The following NCAM2 variants were observed in gnomAD, a reference collection of about 807,000 sequenced individuals.
NCAM2 encodes N-CAM-2.
A neutral mutation model predicts 98.1 loss-of-function variants in NCAM2; 30 were observed. The ratio of observed to expected loss-of-function variants is 0.31; its 90% CI spans 0.23 to 0.41. The LOEUF is 0.41. Ranked by LOEUF, NCAM2 falls within the 10% of genes least tolerant of loss-of-function variation. NCAM2 has a pLI of 1.00. For missense variants in NCAM2, 867 were observed against 1,005.8 expected (o/e 0.86, Z 1.87); for synonymous variants, 368 against 342.4 (o/e 1.07, Z -0.83).
intron 1 of NCAM2, among the ~76,000 whole-genome samples, chr21:21,068,764 G>A (rs1280997340): frequency 6.6e-6 from 1 of 152,022 alleles, no homozygotes; most frequent in African/African-American, 2.4e-5. Flanking sequence ...TCGTTATTAC[G>A]CTCCTCTTTT....
At chr21:21,181,124 A>T (rs537030107) in intron 1 of NCAM2, among the ~76,000 whole-genome samples, 32 of 152,278 alleles carry the variant, frequency 2.1e-4, no homozygotes, top group East Asian at 7.7e-4. Flanking sequence ...TTACATTTTT[A>T]AAAATGTAAG....
chr21:21,044,852 C>CAG (rs1394212528), intron 1 of NCAM2, among the ~76,000 whole-genome samples: 4 of 151,906 alleles, frequency 2.6e-5, no homozygotes, highest in Non-Finnish European at 5.9e-5. Flanking sequence ...GTGGTTCTGG[C>CAG]TACTTAGGAG....
At chr21:21,056,981 T>G (rs2065225142) in intron 1 of NCAM2, among the ~76,000 whole-genome samples, 1 of 152,086 alleles carries the variant, frequency 6.6e-6, no homozygotes, top group Non-Finnish European at 1.5e-5. Flanking sequence ...AAATATTTTA[T>G]TTTTGTTTTA....
At chr21:21,184,245 A>G (rs916225761) in intron 1 of NCAM2, among the ~76,000 whole-genome samples, 2 of 152,076 alleles carry the variant, frequency 1.3e-5, no homozygotes, top group East Asian at 1.9e-4. Flanking sequence ...ATTAGTTTCT[A>G]TAAGGACATG....
intron 1 of NCAM2, among the ~76,000 whole-genome samples, chr21:21,156,408 C>A (rs745314791): frequency 3.9e-5 from 6 of 151,926 alleles, no homozygotes; most frequent in African/African-American, 7.2e-5. Context: ...GTTTGCCCTA[C>A]CTATTTAGTC....
intron 1 of NCAM2, among the ~76,000 whole-genome samples, chr21:21,262,889 A>G (rs2147356111): frequency 6.6e-6 from 1 of 152,162 alleles, no homozygotes; most frequent in Middle Eastern, 3.4e-3. Context: ...TGTGCAGAGA[A>G]ACTCCCCTTT....
At chr21:21,045,626 G>A (rs2064993673) in intron 1 of NCAM2, among the ~76,000 whole-genome samples, 2 of 152,004 alleles carry the variant, frequency 1.3e-5, no homozygotes, top group South Asian at 2.1e-4. Flanking sequence ...CTCCAGCCTG[G>A]GTGACAAAGC....
chr21:21,399,891 T>C (rs2076592505), intron 9 of NCAM2, among the ~76,000 whole-genome samples: 1 of 152,058 alleles, frequency 6.6e-6, no homozygotes, highest in Non-Finnish European at 1.5e-5. Flanking sequence ...AAAGGAGGAA[T>C]TACAAAAGAA....
intron 8 of NCAM2, among the ~76,000 whole-genome samples, chr21:21,363,154 T>C (rs1191055104): frequency 1.3e-5 from 2 of 152,132 alleles, no homozygotes; most frequent in African/African-American, 4.8e-5. Flanking sequence ...TGGGGCCAAA[T>C]GATAGAGAAA....
intron 1 of NCAM2, among the ~76,000 whole-genome samples, chr21:21,091,080 G>GT (rs1256493639): frequency 1.3e-5 from 2 of 152,106 alleles, no homozygotes; most frequent in African/African-American, 4.8e-5. Flanking sequence ...TCTTGTTCAT[G>GT]TTGTTTCCCC....
chr21:21,393,725 G>T (rs1401784363), intron 9 of NCAM2, among the ~76,000 whole-genome samples: 1 of 151,944 alleles, frequency 6.6e-6, no homozygotes, highest in Non-Finnish European at 1.5e-5. Flanking sequence ...TATGAAAGAG[G>T]TTCATTTAAT....
chr21:21,221,410 G>C lies in NCAM2; in HGVS notation c.56-59168G>C, dbSNP rs566581259. ...TGAAAAAGACAAGATAGGGCTGAAA[G>C]CTATCCTCTCACTTCAAACAGTTAG... On this transcript the variant is annotated intron_variant, in intron 1 of 17. Coordinates refer to ENST00000400546, the MANE Select transcript of NCAM2 (RefSeq NM_004540.5). 3.8e-3 allele frequency among the ~76,000 whole-genome samples: 573 copies of C among 152,042 alleles called. 7 individuals carry two copies. The highest frequency in any genetic ancestry group is 0.013 in the African/African-American group (551 of 41,456).
chr21:21,017,018 A>T (rs1454000481), intron 1 of NCAM2, among the ~76,000 whole-genome samples: 1 of 152,198 alleles, frequency 6.6e-6, no homozygotes, highest in Non-Finnish European at 1.5e-5. Context: ...CAAGGTAAAT[A>T]TTTTTATTGT....
intron 1 of NCAM2, chr21:21,210,628 G>T: frequency 1.6e-6 from 2 of 1,287,134 alleles, no homozygotes; most frequent in Non-Finnish European, 2.0e-6. Context: ...TCTCTTTGTT[G>T]ACTGGAAATA....
At chr21:21,356,277 ATTC>A (rs1232847601) in intron 8 of NCAM2, among the ~76,000 whole-genome samples, 1 of 152,118 alleles carries the variant, frequency 6.6e-6, no homozygotes, top group Non-Finnish European at 1.5e-5. Context: ...CAGTTATATT[ATTC>A]TTTATTATAT....
At chr21:21,480,362 AT>A (rs1985752533) in intron 15 of NCAM2, among the ~76,000 whole-genome samples, 1 of 125,848 alleles carries the variant, frequency 7.9e-6, no homozygotes, top group Non-Finnish European at 1.7e-5. Flanking sequence ...GCGAGACTCC[AT>A]CTCAAAAAAA....
chr21:21,225,599 C>A (rs1353275574), intron 1 of NCAM2, among the ~76,000 whole-genome samples: 1 of 151,862 alleles, frequency 6.6e-6, no homozygotes, highest in African/African-American at 2.4e-5. Context: ...CATATTTTAT[C>A]ACTAGTACTA....
At chr21:21,205,434 T>TG (rs2069402894) in intron 1 of NCAM2, among the ~76,000 whole-genome samples, 1 of 152,174 alleles carries the variant, frequency 6.6e-6, no homozygotes, top group East Asian at 1.9e-4. Flanking sequence ...GTATATTATC[T>TG]TTGTTTAAGA....
chr21:21,265,299 G>A (rs1307498476), intron 1 of NCAM2, among the ~76,000 whole-genome samples: 12 of 124,548 alleles, frequency 9.6e-5, no homozygotes, highest in Admixed American at 1.7e-4. Flanking sequence ...GTATATATAC[G>A]TGTATACATA....
Sources: gnomAD v4.1 joint callset for allele counts (sites outside exome capture counted in the v4.1 genomes callset) on GRCh38, gnomAD v4.1.1 for gene constraint, MANE v1.5 for transcripts, NCBI Gene and HGNC (gene_info 2026-07-23, HGNC 2026-07-21) for gene names.